PDE1A: variants seen among roughly 807,000 people sequenced by gnomAD.
The protein encoded by PDE1A is phosphodiesterase 1A, also known as dual specificity calcium/calmodulin-dependent 3',5'-cyclic nucleotide phosphodiesterase 1A.
Under a neutral mutation model 61.7 loss-of-function variants are expected in PDE1A, and 35 were observed. The observed-to-expected ratio is 0.57, with a 90% CI of 0.43 to 0.75. The LOEUF is 0.75. PDE1A is among the 30% of genes least tolerant of loss of function. PDE1A has a pLI of 0.00. For missense variants in PDE1A, 597 were observed against 630.6 expected, an observed-to-expected ratio of 0.95 and a Z score of 0.57; for synonymous variants, 232 against 213.2, an observed-to-expected ratio of 1.09 and a Z score of -0.77.
chr2:182,530,248 A>G, the PDE1A span, among the ~76,000 whole-genome samples: 1 of 152,214 alleles, frequency 6.6e-6, no homozygotes, highest in Non-Finnish European at 1.5e-5. Flanking sequence ...AACAAACAGA[A>G]TAAACTGTAT....
At chr2:182,170,921 A>C (rs535919330) in intron 13 of PDE1A, among the ~76,000 whole-genome samples, 15 of 152,176 alleles carry the variant, frequency 9.9e-5, no homozygotes, top group African/African-American at 3.1e-4. Flanking sequence ...GAACTATGAT[A>C]ATATATTAAA....
Position 182,176,275 on chromosome 2 carries a change from C to G in PDE1A, c.1517-7985G>C, listed in dbSNP as rs956832344. On this transcript the variant is annotated intron_variant, in intron 13 of 13. Coordinates refer to ENST00000351439, the Ensembl canonical transcript of PDE1A. ...CATTGAATCTGTAAATTACCTTGGG[C>G]AGTATGGCCATTTTCACGATATTGA... 1.9e-4 allele frequency among the ~76,000 whole-genome samples: 28 copies of G among 149,098 alleles called. 1 individual carries two copies. Among genetic ancestry groups the G allele is most frequent in the Middle Eastern group, 6.8e-3 (2 of 294 alleles).
At chr2:182,575,096 T>C in the PDE1A span, among the ~76,000 whole-genome samples, 1 of 152,176 alleles carries the variant, frequency 6.6e-6, no homozygotes, top group Non-Finnish European at 1.5e-5. Flanking sequence ...TGTATTCCCT[T>C]TGCTTTAAGC....
chr2:182,440,253 A>C (rs1212552555), intron 2 of PDE1A, among the ~76,000 whole-genome samples: 2 of 151,960 alleles, frequency 1.3e-5, no homozygotes, highest in African/African-American at 4.8e-5. Flanking sequence ...TTCTATAGAA[A>C]CTCACATATT....
rs776860745 is a variant in PDE1A, at chr2:182,223,847, T to C, written c.776+17A>G. On this transcript the variant is annotated intron_variant, in intron 7 of 13. Coordinates refer to ENST00000351439, the Ensembl canonical transcript of PDE1A. ...TCAAATTTTAACTAATGAAAGTTAA[T>C]ACTTTTTCAGACTTACCTTGTCTGA... The C allele has an allele frequency of 3.5e-6, 5 of 1,422,372 alleles. No individual in the cohort carries two copies. The highest frequency in any genetic ancestry group is 4.2e-5 in the Admixed American group (2 of 47,416). 88.1% of individuals were successfully genotyped at this position (1,422,372 alleles called of 1,614,324 possible).
chr2:182,513,308 G>A lies in PDE1A; in HGVS notation c.101+8968C>T, dbSNP rs183840533. Among the ~76,000 whole-genome samples the A allele has an allele frequency of 1.1e-4, 17 of 152,218 alleles. No homozygotes were observed. In the East Asian group the frequency reaches 3.1e-3, roughly 28 times the overall value. On this transcript the variant is annotated intron_variant, in intron 2 of 14. Coordinates refer to the PDE1A transcript ENST00000410103. ...GGGGCCTATATTCAGCATCCTTACA[G>A]GAAAAACATTCCAACCAAGAATTTC...
chr2:182,644,128 T>TACACACACACACACACAC, the PDE1A span, among the ~76,000 whole-genome samples: 4,842 of 129,258 alleles, frequency 0.037, 161 homozygotes, highest in Non-Finnish European at 0.053. Context: ...AATCAATGAT[T>TACACACACACACACACAC]ACACACACAC....
intron 1 of PDE1A, among the ~76,000 whole-genome samples, chr2:182,275,292 G>A (rs1228296337): frequency 1.3e-5 from 2 of 152,044 alleles, no homozygotes; most frequent in South Asian, 2.1e-4. Context: ...CAGACAGAGA[G>A]GGAGAGGAAT....
At chr2:182,564,747 C>G in the PDE1A span, among the ~76,000 whole-genome samples, 21 of 152,128 alleles carry the variant, frequency 1.4e-4, no homozygotes, top group Non-Finnish European at 2.6e-4. Flanking sequence ...AGGCTTTGTT[C>G]GTTTCTTTTT....
intron 1 of PDE1A, among the ~76,000 whole-genome samples, chr2:182,341,765 C>T (rs1186913703): frequency 6.6e-6 from 1 of 152,028 alleles, no homozygotes; most frequent in Non-Finnish European, 1.5e-5. Context: ...TTTCTTTATC[C>T]TCTTTTTTTG....
intron 1 of PDE1A, among the ~76,000 whole-genome samples, chr2:182,298,012 G>C (rs1026554175): frequency 1.3e-5 from 2 of 152,174 alleles, no homozygotes; most frequent in Non-Finnish European, 2.9e-5. Context: ...CTTATATTAA[G>C]TAGCAGATAC....
chr2:182,385,221 A>G (rs1700958677), intron 1 of PDE1A, among the ~76,000 whole-genome samples: 1 of 152,216 alleles, frequency 6.6e-6, no homozygotes, highest in Non-Finnish European at 1.5e-5. Context: ...AAGACATATG[A>G]AAGTACAAAT....
At chr2:182,467,883 T>C (rs908734605) in intron 2 of PDE1A, among the ~76,000 whole-genome samples, 1 of 151,984 alleles carries the variant, frequency 6.6e-6, no homozygotes, top group Non-Finnish European at 1.5e-5. Context: ...TTACACAGAT[T>C]TTCTGGTTTT....
At chr2:182,478,890 A>G (rs1687534776) in intron 2 of PDE1A, among the ~76,000 whole-genome samples, 1 of 151,910 alleles carries the variant, frequency 6.6e-6, no homozygotes, top group African/African-American at 2.4e-5. Flanking sequence ...TAGACCCCTT[A>G]ATCTGGCCTT....
chr2:182,543,232 C>T, the PDE1A span, among the ~76,000 whole-genome samples: 1 of 152,122 alleles, frequency 6.6e-6, no homozygotes, highest in African/African-American at 2.4e-5. Context: ...TCCATTTTCT[C>T]TTAAGTGTAT....
At chr2:182,275,957 C>T (rs1246189244) in intron 1 of PDE1A, among the ~76,000 whole-genome samples, 1 of 152,044 alleles carries the variant, frequency 6.6e-6, no homozygotes, top group Non-Finnish European at 1.5e-5. Flanking sequence ...CAAGGCATTA[C>T]AAATTTTGGT....
At chr2:182,662,236 A>AG in the PDE1A span, among the ~76,000 whole-genome samples, 1 of 151,320 alleles carries the variant, frequency 6.6e-6, no homozygotes, top group African/African-American at 2.4e-5. Context: ...TATCCAAAAA[A>AG]AAGTTTGTTA....
chr2:182,706,884 A>G, the PDE1A span, among the ~76,000 whole-genome samples: 1 of 152,368 alleles, frequency 6.6e-6, no homozygotes, highest in East Asian at 1.9e-4. Flanking sequence ...TCTTTAAAGT[A>G]GAATGAAGAA....
intron 2 of PDE1A, among the ~76,000 whole-genome samples, chr2:182,488,591 T>C (rs1311684945): frequency 6.6e-6 from 1 of 152,222 alleles, no homozygotes; most frequent in Non-Finnish European, 1.5e-5. Flanking sequence ...CAATGATAAA[T>C]ACCTGTCTAT....
Sources: gnomAD v4.1 joint callset for allele counts (sites outside exome capture counted in the v4.1 genomes callset) on GRCh38, gnomAD v4.1.1 for gene constraint, MANE v1.5 for transcripts, NCBI Gene and HGNC (gene_info 2026-07-23, HGNC 2026-07-21) for gene names.